DMXL2: variants seen among roughly 807,000 people sequenced by gnomAD.
DMXL2 encodes the protein Dmx like 2.
Under a neutral mutation model 331.1 loss-of-function variants are expected in DMXL2, and 103 were observed. The ratio of observed to expected loss-of-function variants is 0.31; its 90% CI spans 0.27 to 0.37. The LOEUF (loss-of-function observed/expected upper bound fraction) is 0.37, where lower values mean the gene tolerates loss of function less well. Among genes scored for constraint, DMXL2 ranks in the 10% least tolerant of loss-of-function variants. DMXL2 has a pLI of 1.00. For synonymous variants in DMXL2, 1,281 were observed against 1,252.1 expected (o/e 1.02, Z -0.49); for missense variants, 3,171 against 3,642.9 (o/e 0.87, Z 3.33).
chr15:51,615,232 T>C (rs2054218959), intron 1 of DMXL2, among the ~76,000 whole-genome samples: 1 of 152,128 alleles, frequency 6.6e-6, no homozygotes, highest in African/African-American at 2.4e-5. Context: ...TATACAAATC[T>C]GGAATCAGGC....
intron 6 of DMXL2, 144 bp from the exon 7 acceptor site, chr15:51,547,552 C>T (rs1230486643): frequency 3.9e-6 from 2 of 508,304 alleles, no homozygotes; most frequent in Middle Eastern, 5.1e-4. Flanking sequence ...CTCAAAATTA[C>T]ATTACTTTAA....
intron 1 of DMXL2, 80 bp downstream of exon 1, chr15:51,622,379 G>A: frequency 1.3e-6 from 2 of 1,531,836 alleles, no homozygotes; most frequent in Admixed American, 4.0e-5. Context: ...TCCTGAGGAG[G>A]CGTGCGCCCT....
chr15:51,528,366 A>G (rs2047801088), intron 13 of DMXL2, among the ~76,000 whole-genome samples: 1 of 152,158 alleles, frequency 6.6e-6, no homozygotes, highest in Non-Finnish European at 1.5e-5. Flanking sequence ...CAGGCTGAAA[A>G]TAAAGAGGTG....
At chr15:51,484,387 G>A (rs893225119) in intron 23 of DMXL2, among the ~76,000 whole-genome samples, 4 of 152,192 alleles carry the variant, frequency 2.6e-5, no homozygotes, top group African/African-American at 9.6e-5. Context: ...GAGCCCACCT[G>A]GCAAAGCTAC....
intron 1 of DMXL2, among the ~76,000 whole-genome samples, chr15:51,598,294 C>G (rs752757426): frequency 1.3e-5 from 2 of 152,292 alleles, no homozygotes; most frequent in East Asian, 1.9e-4. Flanking sequence ...CTGCTTTACC[C>G]TTGTCTCTGT....
At chr15:51,461,834 C>T (rs1342853879) in intron 33 of DMXL2, among the ~76,000 whole-genome samples, 1 of 152,174 alleles carries the variant, frequency 6.6e-6, no homozygotes, top group Admixed American at 6.5e-5. Flanking sequence ...GCCACTATGC[C>T]TGGCTAAAAT....
intron 5 of DMXL2, among the ~76,000 whole-genome samples, chr15:51,563,821 T>C (rs2050113128): frequency 6.6e-6 from 1 of 152,038 alleles, no homozygotes; most frequent in African/African-American, 2.4e-5. Flanking sequence ...GGCTGGCAAC[T>C]TTCACATCTT....
At chr15:51,454,299 G>C (rs1171678665) in intron 40 of DMXL2, among the ~76,000 whole-genome samples, 1 of 152,142 alleles carries the variant, frequency 6.6e-6, no homozygotes, top group Non-Finnish European at 1.5e-5. Flanking sequence ...GAAGCCTGAA[G>C]TTTCACACAG....
At chr15:51,585,293 A>C (rs1285074072) in intron 1 of DMXL2, among the ~76,000 whole-genome samples, 1 of 139,014 alleles carries the variant, frequency 7.2e-6, no homozygotes, top group African/African-American at 2.7e-5. Context: ...ATTATTTTGA[A>C]ATACGTCCCA....
intron 2 of DMXL2, among the ~76,000 whole-genome samples, chr15:51,573,847 A>T (rs955745510): frequency 2.6e-5 from 4 of 152,064 alleles, no homozygotes; most frequent in Admixed American, 6.6e-5. Flanking sequence ...TATAATAAAA[A>T]ATATATATAT....
intron 6 of DMXL2, among the ~76,000 whole-genome samples, chr15:51,555,224 A>C (rs1264285395): frequency 1.3e-5 from 2 of 152,192 alleles, no homozygotes; most frequent in Non-Finnish European, 2.9e-5. Flanking sequence ...AGTGCAGCAA[A>C]AATTGGGAAA....
chr15:51,455,282 TAAAAAC>T, intron 39 of DMXL2, 54 bp from the exon 40 acceptor site: 1 of 1,432,966 alleles, frequency 7.0e-7, no homozygotes, highest in East Asian at 2.3e-5. Flanking sequence ...ACAGCAAAGG[TAAAAAC>T]ATGGAAGGAA....
Position 51,565,179 on chromosome 15 carries a change from G to C in DMXL2, c.286-13C>G. 6.5e-7 allele frequency: 1 copy of C among 1,535,538 alleles called. No homozygotes were observed. Among genetic ancestry groups the C allele is most frequent in the Non-Finnish European group, 8.8e-7 (1 of 1,142,834 alleles). ...GGCACTTGAGTTGCTGAAATACGTA[G>C]ACAAAAAGAAATAAGAAAAAAGAAA... On this transcript the variant is annotated splice_polypyrimidine_tract_variant and intron_variant, in intron 3 of 43. Coordinates refer to ENST00000560891, the MANE Select transcript of DMXL2 (RefSeq NM_001378457.1).
intron 1 of DMXL2, among the ~76,000 whole-genome samples, chr15:51,582,646 T>C (rs2051515963): frequency 6.6e-6 from 1 of 151,976 alleles, no homozygotes; most frequent in African/African-American, 2.4e-5. Flanking sequence ...TTTATGATAC[T>C]CTCAGAATTA....
chr15:51,491,680 A>T lies in DMXL2; in HGVS notation c.4851T>A (p.Ile1617=). 1 of 1,613,824 alleles carries T rather than the reference A, an allele frequency of 6.2e-7. No homozygotes were observed. The highest frequency in any genetic ancestry group is 8.5e-7 in the Non-Finnish European group (1 of 1,179,920). The change falls in exon 20 of 44, where the codon ATT becomes ATA. Residue 1617 remains isoleucine (I), a synonymous_variant. Transcript: ENST00000560891. ...GGGGGTCCCCTCTCTGAATTGCTGG[A>T]ATCATATTAATCAGTTCTTCTTCAG... ...SEAEEELINM[I]PAIQRGDPQW...
intron 18 of DMXL2, among the ~76,000 whole-genome samples, chr15:51,497,800 A>G (rs1320962514): frequency 2.0e-5 from 3 of 152,216 alleles, no homozygotes; most frequent in African/African-American, 7.2e-5. Context: ...AATTGTAAAA[A>G]GTTGTTTATG....
In DMXL2 at chr15:51,495,925, T is replaced by C. The variant is rs142678655; in HGVS notation, c.4673-791A>G. Reference sequence around the variant, plus strand: ...CATTACCTATATCCATCCATCCATCTATTTATTTAGCTAGATAGATAGCTA... The same window carrying C: ...CATTACCTATATCCATCCATCCATCCATTTATTTAGCTAGATAGATAGCTA... On this transcript the variant is annotated intron_variant, in intron 18 of 43. Transcript: ENST00000560891. 9.6e-3 allele frequency among the ~76,000 whole-genome samples: 1,458 copies of C among 152,204 alleles called. 17 individuals are homozygous for C. The highest frequency in any genetic ancestry group is 0.033 in the African/African-American group (1,383 of 41,530).
chr15:51,570,906 T>C (rs1001477272), intron 2 of DMXL2, among the ~76,000 whole-genome samples: 1 of 152,104 alleles, frequency 6.6e-6, no homozygotes, highest in African/African-American at 2.4e-5. Context: ...GCTAGCATCA[T>C]AATGACAGGA....
At chr15:51,613,964 A>G (rs2054131902) in intron 1 of DMXL2, among the ~76,000 whole-genome samples, 1 of 152,104 alleles carries the variant, frequency 6.6e-6, no homozygotes, top group African/African-American at 2.4e-5. Context: ...GATTGTTAAC[A>G]TGTGTTGTGG....
Sources: allele counts gnomAD v4.1 joint callset (sites outside exome capture counted in the v4.1 genomes callset), GRCh38; gene constraint gnomAD v4.1.1; transcripts MANE v1.5; gene names NCBI Gene and HGNC (gene_info 2026-07-23, HGNC 2026-07-21).